The following BAIAP2 variants were observed in gnomAD, a reference collection of about 807,000 sequenced individuals.
BAIAP2 encodes the protein BAR/IMD domain-containing adapter protein 2.
Under a neutral mutation model 63.0 loss-of-function variants are expected in BAIAP2, and 18 were observed. That is an observed-to-expected ratio of 0.29 (90% CI 0.20 to 0.42). The LOEUF (loss-of-function observed/expected upper bound fraction) is 0.42. Among genes scored for constraint, BAIAP2 ranks in the 10% least tolerant of loss-of-function variants. The pLI is 1.00. For missense variants in BAIAP2, 610 were observed against 734.3 expected, an observed-to-expected ratio of 0.83 and a Z score of 1.96; for synonymous variants, 386 against 307.6, an observed-to-expected ratio of 1.25 and a Z score of -2.67.
intron 11 of BAIAP2, 123 bp from the exon 12 acceptor site, chr17:81,106,622 G>C: frequency 8.4e-7 from 1 of 1,192,154 alleles, no homozygotes; most frequent in Non-Finnish European, 1.2e-6. Flanking sequence ...GCCTTGGCCT[G>C]AGAGCAGCCT....
At chr17:81,097,865 C>T (rs2057896343) in intron 6 of BAIAP2, among the ~76,000 whole-genome samples, 1 of 152,200 alleles carries the variant, frequency 6.6e-6, no homozygotes, top group African/African-American at 2.4e-5. Context: ...CTCCCTTGCC[C>T]TCACCAGCCA....
chr17:81,053,737 C>T lies in BAIAP2; in HGVS notation c.124C>T (p.Leu42=), dbSNP rs373400026. The change falls in exon 2 of 14, where the codon CTG becomes TTG. Residue 42 remains leucine, a synonymous_variant. Transcript: ENST00000428708. ...CATGGGGAAGAATTACGAGAAGGCA[C>T]TGGCAGGTGGAACTGCGCCCGGGCC... ...IAMGKNYEKA[L]AGVTYAAKGY... 41 of 1,614,096 alleles carry T rather than the reference C, an allele frequency of 2.5e-5. No homozygotes were observed. Among genetic ancestry groups the T allele is most frequent in the South Asian group, 2.1e-4 (19 of 91,086 alleles).
intron 12 of BAIAP2, 147 bp from the exon 13 acceptor site, chr17:81,108,328 G>A (rs1267760240): frequency 7.3e-6 from 6 of 821,092 alleles, no homozygotes; most frequent in East Asian, 5.3e-5. Context: ...TCTGAGTGCT[G>A]CAGCCAGGAG....
chr17:81,057,716 A>G, intron 2 of BAIAP2, 165 bp from the exon 3 acceptor site: 1 of 1,392,980 alleles, frequency 7.2e-7, no homozygotes, highest in Non-Finnish European at 9.3e-7. Context: ...TCAACAAGAG[A>G]TGGGTTCTGT....
At chr17:81,035,850 C>T (rs1269904876) in intron 1 of BAIAP2, among the ~76,000 whole-genome samples, 1 of 152,184 alleles carries the variant, frequency 6.6e-6, no homozygotes, top group Non-Finnish European at 1.5e-5. Context: ...TCTCAACAGG[C>T]TTTCCCTTCC....
At chr17:81,105,840 G>T in intron 10 of BAIAP2, 1 of 468,844 alleles carries the variant, frequency 2.1e-6, no homozygotes, top group Non-Finnish European at 3.9e-6. Context: ...AGTTGGGTCT[G>T]GTGGGGCCGG....
At chr17:81,105,876 C>G (rs1406054046) in intron 10 of BAIAP2, 2 of 543,044 alleles carry the variant, frequency 3.7e-6, no homozygotes, top group East Asian at 3.2e-5. Context: ...TGAGGACAGC[C>G]CGGGCCACCT....
At position 81,053,285 on chromosome 17, in the gene BAIAP2, G is replaced by A. The variant is rs145557911; in HGVS notation, c.55-383G>A. The A allele has an allele frequency of 3.5e-5, 8 of 228,656 alleles. No homozygotes were observed. In the East Asian group the frequency reaches 9.9e-4, roughly 28 times the overall value. The allele number at this position is 228,656 out of a possible 1,614,324, so 14.2% of individuals were successfully genotyped here. On this transcript the variant is annotated intron_variant, in intron 1 of 13. Transcript: ENST00000428708. Reference sequence around the variant, plus strand: ...CGGCGTCGTTGAGCGATTGTGTATGGCCGGTGGGGGGCCCTTCTGGGCTGA... The same window carrying A: ...CGGCGTCGTTGAGCGATTGTGTATGACCGGTGGGGGGCCCTTCTGGGCTGA...
intron 1 of BAIAP2, among the ~76,000 whole-genome samples, chr17:81,044,877 A>G (rs7502931): frequency 0.061 from 9,271 of 152,310 alleles, 523 homozygotes; most frequent in East Asian, 0.32. Flanking sequence ...AGGCAGCCGG[A>G]ATGCACCGTC....
intron 6 of BAIAP2, among the ~76,000 whole-genome samples, chr17:81,090,729 C>T (rs937609736): frequency 1.3e-5 from 2 of 152,106 alleles, no homozygotes; most frequent in Admixed American, 6.5e-5. Flanking sequence ...TGGCTGCGTA[C>T]GCGCCCCCCG....
intron 3 of BAIAP2, among the ~76,000 whole-genome samples, chr17:81,070,801 G>A (rs2052490846): frequency 6.6e-6 from 1 of 152,252 alleles, no homozygotes; most frequent in South Asian, 2.1e-4. Flanking sequence ...GGGAGTGTGT[G>A]AGCAGATTTG....
At chr17:81,109,101 T>A in intron 13 of BAIAP2, 1 of 1,475,010 alleles carries the variant, frequency 6.8e-7, no homozygotes, top group South Asian at 1.3e-5. Flanking sequence ...TCTTGGGTTG[T>A]TTTTCTTTTC....
intron 6 of BAIAP2, among the ~76,000 whole-genome samples, chr17:81,098,532 C>G (rs568231827): frequency 2.6e-4 from 40 of 152,272 alleles, no homozygotes; most frequent in African/African-American, 9.4e-4. Flanking sequence ...GTTGTGCGAT[C>G]ACCACCACCA....
At chr17:81,062,248 G>A (rs909856132) in intron 3 of BAIAP2, among the ~76,000 whole-genome samples, 7 of 151,938 alleles carry the variant, frequency 4.6e-5, no homozygotes, top group African/African-American at 1.7e-4. Context: ...ATCGCACCCA[G>A]ATCTGTAATA....
chr17:81,071,065 A>T (rs1356875421), intron 3 of BAIAP2, among the ~76,000 whole-genome samples: 1 of 150,732 alleles, frequency 6.6e-6, no homozygotes, highest in Non-Finnish European at 1.5e-5. Flanking sequence ...AAGCAGCGTC[A>T]GCTACCGTCA....
intron 1 of BAIAP2, among the ~76,000 whole-genome samples, chr17:81,047,932 G>A (rs1032394780): frequency 3.9e-5 from 6 of 152,374 alleles, no homozygotes; most frequent in African/African-American, 1.2e-4. Flanking sequence ...AGGCCCTAGG[G>A]GTGTGGCCAT....
intron 3 of BAIAP2, among the ~76,000 whole-genome samples, chr17:81,072,354 G>A (rs79282201): frequency 0.043 from 6,605 of 152,316 alleles, 508 homozygotes; most frequent in African/African-American, 0.15. Flanking sequence ...TCAGGGAACA[G>A]GAGGGGCTCT....
chr17:81,089,027 T>C (rs1192168855), intron 6 of BAIAP2, among the ~76,000 whole-genome samples: 1 of 152,238 alleles, frequency 6.6e-6, no homozygotes, highest in Admixed American at 6.5e-5. Context: ...AGGAGGGCCC[T>C]GACCGCACAC....
At chr17:81,060,438 G>C (rs1312798849) in intron 3 of BAIAP2, among the ~76,000 whole-genome samples, 1 of 152,310 alleles carries the variant, frequency 6.6e-6, no homozygotes, top group African/African-American at 2.4e-5. Flanking sequence ...TATAAATGGA[G>C]TCATACGGTG....
Sources: allele counts gnomAD v4.1 joint callset (sites outside exome capture counted in the v4.1 genomes callset), GRCh38; gene constraint gnomAD v4.1.1; transcripts MANE v1.5; gene names NCBI Gene and HGNC (gene_info 2026-07-23, HGNC 2026-07-21).